NPAS2: variants seen among roughly 807,000 people sequenced by gnomAD.
NPAS2 encodes the protein neuronal PAS domain-containing protein 2.
In NPAS2, 23 loss-of-function variants were observed where a neutral mutation model predicts 107.5. The observed-to-expected ratio is 0.21, with a 90% CI of 0.15 to 0.30. The LOEUF is 0.30. Among genes scored for constraint, NPAS2 ranks in the 10% least tolerant of loss-of-function variants. NPAS2 has a pLI of 1.00. For missense variants in NPAS2, 756 were observed against 1,043.3 expected (o/e 0.72, Z 3.79); for synonymous variants, 403 against 417.5 (o/e 0.97, Z 0.42).
intron 2 of NPAS2, 124 bp from the exon 3 acceptor site, chr2:100,925,022 A>T: frequency 9.6e-7 from 1 of 1,046,082 alleles, no homozygotes. Flanking sequence ...GACCTTCCTG[A>T]AAGAGTTTTT....
At chr2:100,925,856 T>C (rs993335627) in intron 3 of NPAS2, among the ~76,000 whole-genome samples, 9 of 151,974 alleles carry the variant, frequency 5.9e-5, no homozygotes, top group Admixed American at 5.9e-4. Context: ...GTCTTCAGTA[T>C]ATTCACAAGG....
intron 2 of NPAS2, among the ~76,000 whole-genome samples, chr2:100,911,408 G>A (rs1486911524): frequency 6.6e-6 from 1 of 152,112 alleles, no homozygotes; most frequent in Non-Finnish European, 1.5e-5. Context: ...ATTCTGAAAT[G>A]TTTGAAGATG....
At chr2:100,916,074 T>C (rs557604822) in intron 2 of NPAS2, among the ~76,000 whole-genome samples, 42 of 152,130 alleles carry the variant, frequency 2.8e-4, no homozygotes, top group African/African-American at 9.9e-4. Context: ...GAATTATTAC[T>C]AAAAGTCATA....
chr2:100,958,176 T>C (rs1675694819), intron 7 of NPAS2, among the ~76,000 whole-genome samples: 1 of 152,150 alleles, frequency 6.6e-6, no homozygotes, highest in Non-Finnish European at 1.5e-5. Flanking sequence ...AGTATAAAAG[T>C]TTCCCTGCCC....
chr2:100,974,808 G>C lies in NPAS2; in HGVS notation c.1146G>C (p.Lys382Asn). 1 of 1,613,758 alleles carries C rather than the reference G, an allele frequency of 6.2e-7. No individual in the cohort carries two copies. The highest frequency in any genetic ancestry group is 8.5e-7 in the Non-Finnish European group (1 of 1,179,822). ...GTTTGATGTGTGTGTTTCAGGACAA[G>C]GGCTCAAGCCTGGAACCTCGGCAGC... is the stretch of plus-strand genomic sequence containing the variant. The part of the protein sequence containing the change: ...EALHSSALKD[K>N]GSSLEPRQHF... Residue 382 changes from lysine to asparagine, a missense_variant, in exon 13 of 21, where the codon AAG becomes AAC. Lys to Asn is a moderately conservative substitution (Grantham distance 94, BLOSUM62 0). Around this residue, in one of 4 missense-constraint regions of NPAS2, gnomAD observed 496 missense variants for 594.4 expected, o/e 0.83. Transcript: ENST00000335681.
chr2:100,965,854 C>G lies in NPAS2; in HGVS notation c.907+88C>G. ...CAGGGCTCTGGGACTCCAGAAGCCT[C>G]TGCTCGTTACCTGGTTTCTTTTTAA... On this transcript the variant is annotated intron_variant, in intron 10 of 20. Transcript: ENST00000335681. This position sits in a 1 kb window ranked among gnomAD's most constrained non-coding sequence, Gnocchi z 4.3. The G allele has an allele frequency of 2.5e-6, 2 of 804,960 alleles. No homozygotes were observed. The highest frequency in any genetic ancestry group is 5.1e-5 in the East Asian group (2 of 39,540). The allele number at this position is 804,960 out of a possible 1,614,324, so 49.9% of individuals were successfully genotyped here.
In NPAS2 at chr2:100,820,879, C is replaced by T; in HGVS notation, c.-23+465C>T. 2.4e-6 allele frequency: 1 copy of T among 421,622 alleles called. No individual in the cohort carries two copies. Among genetic ancestry groups the T allele is most frequent in the Non-Finnish European group, 4.2e-6 (1 of 235,764 alleles). 26.1% of individuals were successfully genotyped at this position (421,622 alleles called of 1,614,324 possible). On this transcript the variant is annotated intron_variant, in intron 1 of 20. Transcript: ENST00000335681. This position sits in a 1 kb window ranked among gnomAD's most constrained non-coding sequence, Gnocchi z 5.6. ...GGCGTGCGCGCCCTGGGCCCGCGGT[C>T]TCTCGGAGTCCCTGGGTCGGAATTG... is the stretch of plus-strand genomic sequence containing the variant.
intron 1 of NPAS2, among the ~76,000 whole-genome samples, chr2:100,858,457 G>C (rs1376888498): frequency 6.6e-6 from 1 of 152,164 alleles, no homozygotes; most frequent in Non-Finnish European, 1.5e-5. Flanking sequence ...TCGCTGAGCA[G>C]AGAAAGCATT....
intron 1 of NPAS2, among the ~76,000 whole-genome samples, chr2:100,834,183 G>C (rs764800608): frequency 6.6e-6 from 1 of 151,954 alleles, no homozygotes; most frequent in Non-Finnish European, 1.5e-5. Context: ...CTCACCTGGA[G>C]AATCAGGGGT....
chr2:100,888,723 T>C (rs1434029236), intron 1 of NPAS2, among the ~76,000 whole-genome samples: 1 of 152,220 alleles, frequency 6.6e-6, no homozygotes, highest in African/African-American at 2.4e-5. Context: ...GTAGTTTATC[T>C]CTCAAGCTCA....
chr2:100,823,020 TC>T (rs1676165847), intron 1 of NPAS2, among the ~76,000 whole-genome samples: 1 of 152,184 alleles, frequency 6.6e-6, no homozygotes, highest in South Asian at 2.1e-4. Flanking sequence ...TCAGGGACTG[TC>T]ACATTTCATA....
intron 3 of NPAS2, among the ~76,000 whole-genome samples, chr2:100,925,660 G>A (rs1431931220): frequency 6.6e-6 from 1 of 152,150 alleles, no homozygotes; most frequent in Non-Finnish European, 1.5e-5. Flanking sequence ...CTTCCTGTGG[G>A]ATCAGACTAT....
intron 2 of NPAS2, among the ~76,000 whole-genome samples, chr2:100,905,660 C>T (rs1286160185): frequency 6.6e-6 from 1 of 152,126 alleles, no homozygotes; most frequent in Non-Finnish European, 1.5e-5. Context: ...ACTGGACCAG[C>T]CTCCTTGCTG....
chr2:100,922,372 A>C (rs1463376282), intron 2 of NPAS2, among the ~76,000 whole-genome samples: 1 of 152,158 alleles, frequency 6.6e-6, no homozygotes. Flanking sequence ...ACCTGAGGTC[A>C]GGAGTTCGAG....
chr2:100,971,298 CAA>C (rs35040339), intron 12 of NPAS2, among the ~76,000 whole-genome samples: 284 of 102,530 alleles, frequency 2.8e-3, no homozygotes, highest in Non-Finnish European at 3.8e-3. Flanking sequence ...GACTCTATCT[CAA>C]AAAAAAAAAA....
chr2:100,983,846 G>C (rs907852806), intron 16 of NPAS2: 1 of 152,156 alleles, frequency 6.6e-6, no homozygotes, highest in Non-Finnish European at 1.5e-5. Context: ...CCCAATGCTT[G>C]CCTGACTCCA....
At position 100,976,305 on chromosome 2, in the gene NPAS2, G is replaced by T. The variant is rs1002694820; in HGVS notation, c.1392+738G>T. Among the ~76,000 whole-genome samples, 1 of 152,122 alleles carries T rather than the reference G, an allele frequency of 6.6e-6. No homozygotes were observed. Among genetic ancestry groups the T allele is most frequent in the African/African-American group, 2.4e-5 (1 of 41,402 alleles). ...GGCTCAGCTGAGGCCATCCGTCATT[G>T]ACTTGCATGGGCCTCTCAAGCCTTA... On this transcript the variant is annotated intron_variant, in intron 14 of 20. Coordinates refer to ENST00000335681, the MANE Select transcript of NPAS2 (RefSeq NM_002518.4). This position sits in a 1 kb window ranked among gnomAD's most constrained non-coding sequence, Gnocchi z 4.1.
chr2:100,951,744 G>A (rs959207270), intron 7 of NPAS2, among the ~76,000 whole-genome samples: 2 of 152,158 alleles, frequency 1.3e-5, no homozygotes, highest in African/African-American at 4.8e-5. Context: ...GAGTCCTTGA[G>A]GTGGATGGTG....
intron 2 of NPAS2, among the ~76,000 whole-genome samples, chr2:100,915,307 G>T (rs555492325): frequency 1.3e-5 from 2 of 152,112 alleles, no homozygotes; most frequent in Non-Finnish European, 2.9e-5. Flanking sequence ...AGATGAAAGC[G>T]CAGATGTAGG....
Sources: gnomAD v4.1 joint callset for allele counts (sites outside exome capture counted in the v4.1 genomes callset) on GRCh38, gnomAD v4.1.1 for gene constraint, gnomAD v4.1.1 regional missense constraint, Gnocchi (gnomAD v3.1) non-coding constraint, MANE v1.5 for transcripts, NCBI Gene and HGNC (gene_info 2026-07-23, HGNC 2026-07-21) for gene names.